The following BIRC6 variants were observed in gnomAD, a reference collection of about 807,000 sequenced individuals.
BIRC6 encodes dual E2 ubiquitin-conjugating enzyme/E3 ubiquitin-protein ligase BIRC6.
In BIRC6, 98 loss-of-function variants were observed where a neutral mutation model predicts 503.3. The observed-to-expected ratio is 0.19, with a 90% confidence interval of 0.17 to 0.23. BIRC6 has a LOEUF of 0.23. BIRC6 is among the 10% of genes least tolerant of loss of function. The pLI is 1.00. For missense variants in BIRC6, 5,360 were observed against 5,806.0 expected, an observed-to-expected ratio of 0.92 and a Z score of 2.50; for synonymous variants, 2,240 against 2,078.7, an observed-to-expected ratio of 1.08 and a Z score of -2.11.
At chr2:32,371,215 CA>C (rs1179033406) in intron 1 of BIRC6, among the ~76,000 whole-genome samples, 3,118 of 28,774 alleles carry the variant, frequency 0.11, 33 homozygotes, top group African/African-American at 0.23. Flanking sequence ...GACCCTGTCT[CA>C]AAAAAAAAAA....
At chr2:32,545,123 T>C (rs2057966266) in intron 62 of BIRC6, among the ~76,000 whole-genome samples, 1 of 152,250 alleles carries the variant, frequency 6.6e-6, no homozygotes, top group Non-Finnish European at 1.5e-5. Context: ...TTAAAAAGGA[T>C]AGTTATGATA....
Position 32,463,239 on chromosome 2 carries a change from G to T in BIRC6, c.4799G>T (p.Gly1600Val), listed in dbSNP as rs2048190124. ...CCTGCAGTAGGTGGACTATCATCTG[G>T]GACAGTTGGGGAAGCCTCGACAGCC... ...VTPAVGGLSS[G>V]TVGEASTALS... The change falls in exon 24 of 74, where the codon GGG becomes GTG. Residue 1600 changes from glycine (G) to valine (V), a missense_variant. Around this residue, in one of 16 missense-constraint regions of BIRC6, gnomAD observed 2,299 missense variants for 2,267.2 expected, o/e 1.01. Transcript: ENST00000421745. The T allele has an allele frequency of 6.2e-7, 1 of 1,613,434 alleles. No homozygotes were observed. Among genetic ancestry groups the T allele is most frequent in the African/African-American group, 1.3e-5 (1 of 74,994 alleles).
intron 61 of BIRC6, among the ~76,000 whole-genome samples, chr2:32,538,095 CT>C (rs1282720014): frequency 6.6e-6 from 1 of 152,054 alleles, no homozygotes; most frequent in Non-Finnish European, 1.5e-5. Context: ...GTCTATACTG[CT>C]TTTTTCTGGG....
chr2:32,465,041 ATTT>A (rs749253756), intron 25 of BIRC6, 21 bp from the exon 26 acceptor site: 3 of 1,102,700 alleles, frequency 2.7e-6, no homozygotes, highest in Admixed American at 2.6e-5. Flanking sequence ...ATAAAGTTAG[ATTT>A]TTTTTTTTTC....
At chr2:32,526,128 G>A (rs72800830) in intron 59 of BIRC6, among the ~76,000 whole-genome samples, 10,466 of 152,216 alleles carry the variant, frequency 0.069, 480 homozygotes, top group Admixed American at 0.15. Flanking sequence ...GTGCTGGCAT[G>A]ACACAAGTGG....
In BIRC6 at chr2:32,477,456, C is replaced by T; in HGVS notation, c.6941C>T (p.Pro2314Leu). The T allele has an allele frequency of 6.2e-7, 1 of 1,613,970 alleles. No individual in the cohort carries two copies. Among genetic ancestry groups the T allele is most frequent in the Non-Finnish European group, 8.5e-7 (1 of 1,179,876 alleles). The change falls in exon 35 of 74, where the codon CCT (proline) becomes CTT (leucine). Residue 2314 changes from proline to leucine, a missense_variant. Pro to Leu is a moderately conservative substitution (Grantham distance 98, BLOSUM62 -3). This residue lies in a region of BIRC6 where 2,299 missense variants were observed against 2,267.2 expected (regional missense o/e 1.01). Coordinates refer to ENST00000421745, the MANE Select transcript of BIRC6 (RefSeq NM_016252.4). ...GAAGTTACAACAGCAAAAGAAAGTC[C>T]TGAGATAGAACCACTTCCATTTACT... is the stretch of plus-strand genomic sequence containing the variant. ...DTEVTTAKES[P>L]EIEPLPFTLA...
At chr2:32,519,727 A>T (rs1187954675) in intron 57 of BIRC6, among the ~76,000 whole-genome samples, 1 of 152,126 alleles carries the variant, frequency 6.6e-6, no homozygotes. Flanking sequence ...CATGTTGGCC[A>T]GGCTGGTCTC....
At chr2:32,451,837 T>G (rs984513601) in intron 22 of BIRC6, among the ~76,000 whole-genome samples, 1 of 152,222 alleles carries the variant, frequency 6.6e-6, no homozygotes, top group East Asian at 1.9e-4. Flanking sequence ...GTATGTAGAC[T>G]TTTCTCATGG....
intron 50 of BIRC6, among the ~76,000 whole-genome samples, chr2:32,506,945 A>G (rs1015557993): frequency 6.6e-5 from 10 of 152,178 alleles, no homozygotes; most frequent in African/African-American, 1.2e-4. Flanking sequence ...TAAAGCTGGC[A>G]TGTAATTCCT....
chr2:32,541,072 GTTT>G, intron 61 of BIRC6, among the ~76,000 whole-genome samples: 1 of 152,048 alleles, frequency 6.6e-6, no homozygotes, highest in East Asian at 1.9e-4. Flanking sequence ...CATTGTATTT[GTTT>G]TGTTTTGTGG....
intron 21 of BIRC6, among the ~76,000 whole-genome samples, chr2:32,448,435 G>A (rs983946639): frequency 2.0e-5 from 3 of 151,156 alleles, no homozygotes; most frequent in Middle Eastern, 3.4e-3. Flanking sequence ...GATCACTCGC[G>A]GTTAGGAGCT....
intron 23 of BIRC6, among the ~76,000 whole-genome samples, chr2:32,455,830 G>A (rs1436859817): frequency 1.3e-5 from 2 of 152,126 alleles, no homozygotes; most frequent in African/African-American, 4.8e-5. Flanking sequence ...GTATATATAT[G>A]CCATCACCTC....
intron 26 of BIRC6, among the ~76,000 whole-genome samples, chr2:32,466,457 C>A (rs2048552238): frequency 6.6e-6 from 1 of 152,174 alleles, no homozygotes; most frequent in African/African-American, 2.4e-5. Flanking sequence ...CTTCCCAAGG[C>A]CTTTTTCAGT....
intron 3 of BIRC6, among the ~76,000 whole-genome samples, chr2:32,386,937 A>C (rs1291326993): frequency 2.6e-5 from 4 of 152,102 alleles, no homozygotes; most frequent in African/African-American, 9.7e-5. Flanking sequence ...GCATTCAGGA[A>C]CTGGGGAAGT....
At chr2:32,480,942 T>C (rs549491249) in intron 37 of BIRC6, among the ~76,000 whole-genome samples, 27 of 151,944 alleles carry the variant, frequency 1.8e-4, no homozygotes, top group Non-Finnish European at 3.4e-4. Flanking sequence ...GCCTGGCCGG[T>C]AAATGGCATT....
intron 8 of BIRC6, among the ~76,000 whole-genome samples, chr2:32,406,034 C>T (rs989877688): frequency 3.9e-5 from 6 of 152,084 alleles, no homozygotes; most frequent in Middle Eastern, 3.2e-3. Context: ...TATCAAACTA[C>T]TCTTTATATA....
Position 32,477,325 on chromosome 2 carries a change from TTAAG to T in BIRC6, c.6853-39_6853-36del, listed in dbSNP as rs778789515. ...TAAATCTATACTGAAAAAATTTTCA[TTAAG>T]TAAACATTGATTTAAACACTATACA... On this transcript the variant is annotated intron_variant, in intron 34 of 73. Transcript: ENST00000421745. 1.5e-4 allele frequency: 231 copies of T among 1,579,490 alleles called. 1 individual carries two copies. The highest frequency in any genetic ancestry group is 8.0e-5 in the Non-Finnish European group (93 of 1,163,008).
At chr2:32,509,462 C>T (rs1180002931) in intron 51 of BIRC6, among the ~76,000 whole-genome samples, 2 of 152,022 alleles carry the variant, frequency 1.3e-5, no homozygotes, top group Non-Finnish European at 2.9e-5. Flanking sequence ...ACCAAGTTGG[C>T]CAGGATGGTC....
chr2:32,369,310 A>T (rs1396994080), intron 1 of BIRC6, among the ~76,000 whole-genome samples: 1 of 152,224 alleles, frequency 6.6e-6, no homozygotes, highest in African/African-American at 2.4e-5. Flanking sequence ...CAGTAATTTC[A>T]AATATGAGCT....
Sources: gnomAD v4.1 joint callset for allele counts (sites outside exome capture counted in the v4.1 genomes callset) on GRCh38, gnomAD v4.1.1 for gene constraint, gnomAD v4.1.1 regional missense constraint, MANE v1.5 for transcripts, NCBI Gene and HGNC (gene_info 2026-07-23, HGNC 2026-07-21) for gene names.